Variants in ARHGEF10 observed in about 807,000 individuals in gnomAD.
ARHGEF10 encodes the protein Rho guanine nucleotide exchange factor (GEF) 10.
Under a neutral mutation model 147.4 loss-of-function variants are expected in ARHGEF10, and 140 were observed. The ratio of observed to expected loss-of-function variants is 0.95; its 90% CI spans 0.83 to 1.09. The LOEUF (loss-of-function observed/expected upper bound fraction) is 1.09. ARHGEF10 is among the 50% of genes least tolerant of loss of function. ARHGEF10 has a pLI of 0.00. For missense variants in ARHGEF10, 2,222 were observed against 1,752.7 expected (o/e 1.27, Z -4.78); for synonymous variants, 902 against 695.8 (o/e 1.30, Z -4.67).
chr8:1,873,239 G>A (rs963290718), intron 7 of ARHGEF10, among the ~76,000 whole-genome samples: 66 of 152,344 alleles, frequency 4.3e-4, no homozygotes, highest in Non-Finnish European at 2.9e-5. Flanking sequence ...TGTGCGGACC[G>A]GGAGACGGGA....
chr8:1,882,915 C>T (rs1017990022), intron 10 of ARHGEF10, among the ~76,000 whole-genome samples, 166 bp downstream of exon 10: 11 of 152,324 alleles, frequency 7.2e-5, no homozygotes, highest in Admixed American at 2.6e-4. Context: ...TGACCCCAGC[C>T]TCCCCGTCCT....
chr8:1,886,917 CA>C (rs1487139609), intron 11 of ARHGEF10, among the ~76,000 whole-genome samples: 2 of 152,186 alleles, frequency 1.3e-5, no homozygotes, highest in African/African-American at 4.8e-5. Context: ...GCCACACGTC[CA>C]GGGGGGTGGT....
chr8:1,824,754 C>T lies in ARHGEF10; in HGVS notation c.-48+641C>T, dbSNP rs1274198336. On this transcript the variant is annotated intron_variant, in intron 1 of 28. Transcript: ENST00000349830. ...TATTCCCCCGCACCCCGCCTGTCCC[C>T]CCGCACCCTACCTGTTTATTCTGCA... Among the ~76,000 whole-genome samples the T allele has an allele frequency of 5.4e-3, 478 of 88,740 alleles. 9 individuals carry two copies. Among genetic ancestry groups the T allele is most frequent in the East Asian group, 0.017 (46 of 2,632 alleles). 58.2% of individuals were successfully genotyped at this position (88,740 alleles called of 152,430 possible).
chr8:1,879,467 T>C (rs1242823736), intron 8 of ARHGEF10, among the ~76,000 whole-genome samples: 2 of 152,200 alleles, frequency 1.3e-5, no homozygotes, highest in East Asian at 3.8e-4. Context: ...GTGCATTTGC[T>C]CCTGTCTAGC....
chr8:1,928,342 C>T (rs967341929), intron 23 of ARHGEF10, 85 bp from the exon 24 acceptor site: 84 of 1,230,250 alleles, frequency 6.8e-5, no homozygotes, highest in South Asian at 3.4e-4. Flanking sequence ...CGAAGCTTGT[C>T]GTGGCCTTTA....
chr8:1,880,585 C>T (rs1808104732), intron 9 of ARHGEF10, among the ~76,000 whole-genome samples: 1 of 152,174 alleles, frequency 6.6e-6, no homozygotes, highest in Non-Finnish European at 1.5e-5. Context: ...AGCGTTTTAA[C>T]TTCAAATGCA....
At chr8:1,915,985 C>T (rs113378971) in intron 18 of ARHGEF10, among the ~76,000 whole-genome samples, 2 of 152,230 alleles carry the variant, frequency 1.3e-5, no homozygotes, top group African/African-American at 4.8e-5. Context: ...CAGGACCTGA[C>T]AGCCAGCGTC....
At chr8:1,861,278 G>A (rs1263122603) in intron 4 of ARHGEF10, among the ~76,000 whole-genome samples, 1 of 152,220 alleles carries the variant, frequency 6.6e-6, no homozygotes, top group South Asian at 2.1e-4. Context: ...TGTGTCTGCA[G>A]AGCCACAGGG....
At chr8:1,923,205 G>A (rs1294880822) in intron 19 of ARHGEF10, 126 bp downstream of exon 19, 3 of 907,110 alleles carry the variant, frequency 3.3e-6, no homozygotes, top group Admixed American at 5.1e-5. Flanking sequence ...TAATCTGAAT[G>A]TACATTTTCT....
At chr8:1,895,224 CCTCA>C (rs1160663582) in intron 13 of ARHGEF10, among the ~76,000 whole-genome samples, 1 of 152,206 alleles carries the variant, frequency 6.6e-6, no homozygotes, top group Non-Finnish European at 1.5e-5. Flanking sequence ...GTCATTTTAT[CCTCA>C]CTCCGTGTAT....
Position 1,924,826 on chromosome 8 carries a change from G to C in ARHGEF10, c.2489-457G>C, listed in dbSNP as rs543428886. 2.6e-5 allele frequency among the ~76,000 whole-genome samples: 4 copies of C among 152,324 alleles called. No homozygotes were observed. In the East Asian group the frequency reaches 5.8e-4, roughly 22 times the overall value. ...ATATTCTTTAATGCTCAGGTTGACA[G>C]TTTGCTTTGGGAGTAAAATATTTCT... On this transcript the variant is annotated intron_variant, in intron 21 of 28. Coordinates refer to ENST00000349830, the MANE Select transcript of ARHGEF10 (RefSeq NM_014629.4).
At chr8:1,874,824 G>C (rs112786006) in intron 7 of ARHGEF10, among the ~76,000 whole-genome samples, 9,254 of 124,514 alleles carry the variant, frequency 0.074, 18 homozygotes, top group Non-Finnish European at 0.088. Flanking sequence ...AGGAACAGTG[G>C]AGACACACAC....
chr8:1,896,047 G>A (rs1809943852), intron 13 of ARHGEF10, among the ~76,000 whole-genome samples: 1 of 152,096 alleles, frequency 6.6e-6, no homozygotes, highest in South Asian at 2.1e-4. Context: ...ATCCTTATTT[G>A]TCTGTAGTCA....
chr8:1,928,574 GC>G lies in ARHGEF10; in HGVS notation c.2846del (p.Ala949AspfsTer10), dbSNP rs1279066525. ...CGAGGAGAAGCGCAGAGAGCCTGGG[GC>G]ACCCCCGGACCCCGAGACCCCGGCC... The part of the protein sequence containing the change: ...PVEEKRREPG[A>X]PPDPETPAVR... On this transcript the variant is annotated frameshift_variant, in exon 24 of 29. Transcript: ENST00000349830. LOFTEE classifies it high-confidence loss of function. 86 of 1,614,122 alleles carry G rather than the reference GC, an allele frequency of 5.3e-5. No homozygotes were observed. Among genetic ancestry groups the G allele is most frequent in the Non-Finnish European group, 7.2e-5 (85 of 1,180,058 alleles).
chr8:1,920,855 G>T (rs1812230120), intron 18 of ARHGEF10, among the ~76,000 whole-genome samples: 1 of 146,484 alleles, frequency 6.8e-6, no homozygotes, highest in Non-Finnish European at 1.5e-5. Context: ...CATGATCTTG[G>T]CTCACCATGA....
chr8:1,880,235 C>T (rs768504315), intron 9 of ARHGEF10, 71 bp downstream of exon 9: 50 of 1,070,324 alleles, frequency 4.7e-5, no homozygotes, highest in Admixed American at 1.0e-4. Context: ...GCGGCTCGGT[C>T]GGTCCTTGCT....
At chr8:1,900,326 T>C (rs1311008483) in intron 15 of ARHGEF10, among the ~76,000 whole-genome samples, 4 of 152,136 alleles carry the variant, frequency 2.6e-5, no homozygotes, top group South Asian at 2.1e-4. Flanking sequence ...CTCCCACGTT[T>C]CCATCCACCT....
At chr8:1,922,012 G>A (rs533240769) in intron 18 of ARHGEF10, among the ~76,000 whole-genome samples, 186 of 152,274 alleles carry the variant, frequency 1.2e-3, no homozygotes, top group African/African-American at 4.4e-3. Flanking sequence ...ATTGCTTAAA[G>A]TACAGACACT....
chr8:1,906,609 G>A (rs1810914240), intron 17 of ARHGEF10, among the ~76,000 whole-genome samples: 1 of 152,184 alleles, frequency 6.6e-6, no homozygotes. Context: ...GCGAGGGTGT[G>A]CAGGTCAGCG....
Sources: gnomAD v4.1 joint callset for allele counts (sites outside exome capture counted in the v4.1 genomes callset) on GRCh38, gnomAD v4.1.1 for gene constraint, MANE v1.5 for transcripts, NCBI Gene and HGNC (gene_info 2026-07-23, HGNC 2026-07-21) for gene names.